KHDRBS2: variants seen among roughly 807,000 people sequenced by gnomAD.
The protein encoded by KHDRBS2 is KH domain-containing, RNA-binding, signal transduction-associated protein 2.
KHDRBS2 carries 26 observed loss-of-function variants against 44.3 expected under a neutral mutation model. That is an observed-to-expected ratio of 0.59 (90% CI 0.43 to 0.81). KHDRBS2 has a LOEUF of 0.81. Ranked by LOEUF, KHDRBS2 falls within the 40% of genes least tolerant of loss-of-function variation. KHDRBS2 has a pLI of 0.00. For synonymous variants in KHDRBS2, 194 were observed against 151.1 expected (o/e 1.28, Z -2.08); for missense variants, 476 against 433.1 (o/e 1.10, Z -0.88).
intron 6 of KHDRBS2, among the ~76,000 whole-genome samples, chr6:61,765,684 G>T (rs1212505975): frequency 1.3e-5 from 2 of 151,788 alleles, no homozygotes; most frequent in Non-Finnish European, 2.9e-5. Context: ...TTTTTTGAGG[G>T]TTTTTTTAAA....
At chr6:61,604,630 G>T in the KHDRBS2 span, among the ~76,000 whole-genome samples, 2 of 152,108 alleles carry the variant, frequency 1.3e-5, no homozygotes, top group African/African-American at 4.8e-5. Context: ...TCACTTCTCA[G>T]TGTTCCATCT....
chr6:61,599,349 T>C, the KHDRBS2 span, among the ~76,000 whole-genome samples: 1 of 152,126 alleles, frequency 6.6e-6, no homozygotes. Context: ...ATTTGTTTCA[T>C]AAATGATTCA....
chr6:61,754,132 T>C (rs1026253405), intron 6 of KHDRBS2, among the ~76,000 whole-genome samples: 2 of 152,174 alleles, frequency 1.3e-5, no homozygotes, highest in Non-Finnish European at 2.9e-5. Flanking sequence ...CCATCAAATG[T>C]GTGGTAGTTT....
chr6:62,253,424 G>T (rs1267066753), intron 1 of KHDRBS2, among the ~76,000 whole-genome samples: 2 of 151,926 alleles, frequency 1.3e-5, no homozygotes, highest in African/African-American at 4.8e-5. Flanking sequence ...TAGGGTTTTT[G>T]TATTTAGGAT....
chr6:62,194,438 T>C (rs1287414910), intron 1 of KHDRBS2, among the ~76,000 whole-genome samples: 1 of 149,924 alleles, frequency 6.7e-6, no homozygotes, highest in East Asian at 2.0e-4. Flanking sequence ...TACATGTCTG[T>C]CCTTATGTCC....
chr6:61,730,138 C>A (rs1028907678), intron 7 of KHDRBS2, among the ~76,000 whole-genome samples: 1 of 152,014 alleles, frequency 6.6e-6, no homozygotes, highest in African/African-American at 2.4e-5. Flanking sequence ...TTCAACAAAT[C>A]TTTACTGAGA....
chr6:62,198,118 G>A (rs1458804098), intron 1 of KHDRBS2, among the ~76,000 whole-genome samples: 2 of 152,078 alleles, frequency 1.3e-5, no homozygotes, highest in Admixed American at 1.3e-4. Context: ...AGCACTAAAT[G>A]CCCACAAGAG....
intron 2 of KHDRBS2, among the ~76,000 whole-genome samples, chr6:62,103,084 T>C (rs998396720): frequency 2.0e-5 from 3 of 152,022 alleles, no homozygotes; most frequent in Non-Finnish European, 2.9e-5. Context: ...TGGACAGCCA[T>C]GGGAAGGCCT....
At chr6:61,762,561 T>C (rs1244957583) in intron 6 of KHDRBS2, among the ~76,000 whole-genome samples, 1 of 152,160 alleles carries the variant, frequency 6.6e-6, no homozygotes, top group Non-Finnish European at 1.5e-5. Flanking sequence ...CTCTTGTCTA[T>C]CTGTCTTTCC....
intron 1 of KHDRBS2, among the ~76,000 whole-genome samples, chr6:62,178,750 TAATC>T (rs1325286834): frequency 6.6e-6 from 1 of 151,588 alleles, no homozygotes; most frequent in Non-Finnish European, 1.5e-5. Flanking sequence ...GATCATAACA[TAATC>T]AGTAAATATT....
intron 6 of KHDRBS2, among the ~76,000 whole-genome samples, chr6:61,870,258 C>T (rs1798464741): frequency 6.6e-6 from 1 of 152,086 alleles, no homozygotes; most frequent in Admixed American, 6.5e-5. Flanking sequence ...TTTACTCTCA[C>T]AGTGTTAACA....
intron 1 of KHDRBS2, among the ~76,000 whole-genome samples, chr6:62,269,582 C>T (rs999396839): frequency 1.3e-5 from 2 of 151,984 alleles, no homozygotes; most frequent in Non-Finnish European, 1.5e-5. Flanking sequence ...AGACTGAGAA[C>T]GTCAAATGTT....
chr6:62,014,732 T>C lies in KHDRBS2; in HGVS notation c.336+33146A>G, dbSNP rs1209375733. On this transcript the variant is annotated intron_variant, in intron 3 of 8. Coordinates refer to ENST00000281156, the MANE Select transcript of KHDRBS2 (RefSeq NM_152688.4). Reference sequence around the variant, plus strand: ...AATTTAGATTCTAGAGTTATATCTTTCCTAAATGGAACATCCTGTATCTTA... The same window carrying C: ...AATTTAGATTCTAGAGTTATATCTTCCCTAAATGGAACATCCTGTATCTTA... Among the ~76,000 whole-genome samples, 10 of 152,144 alleles carry C rather than the reference T, an allele frequency of 6.6e-5. 1 individual carries two copies. Among genetic ancestry groups the C allele is most frequent in the Admixed American group, 5.2e-4 (8 of 15,262 alleles).
intron 4 of KHDRBS2, among the ~76,000 whole-genome samples, chr6:61,973,972 C>T (rs1326789466): frequency 3.9e-5 from 6 of 152,134 alleles, no homozygotes; most frequent in Admixed American, 6.6e-5. Context: ...ATCAAATTAT[C>T]TGTGCAAAAA....
Position 61,732,959 on chromosome 6 carries a change from T to C in KHDRBS2, c.811-195A>G, listed in dbSNP as rs898360338. Among the ~76,000 whole-genome samples, 3 of 152,212 alleles carry C rather than the reference T, an allele frequency of 2.0e-5. No individual in the cohort carries two copies. The South Asian group carries it at 6.2e-4, about 32-fold the overall frequency. ...ATTTCATGGATCAGGTATCAATGTT[T>C]ATTAAACTCAGCATATCATTGAAGC... On this transcript the variant is annotated intron_variant, in intron 6 of 8. Transcript: ENST00000281156.
At chr6:61,869,443 GACTT>G (rs750931006) in intron 6 of KHDRBS2, among the ~76,000 whole-genome samples, 3 of 152,124 alleles carry the variant, frequency 2.0e-5, no homozygotes, top group Non-Finnish European at 2.9e-5. Context: ...AAAACTGAGA[GACTT>G]ACTATTAACA....
intron 3 of KHDRBS2, among the ~76,000 whole-genome samples, chr6:62,047,133 C>T (rs139007854): frequency 6.2e-4 from 94 of 151,982 alleles, no homozygotes; most frequent in African/African-American, 2.2e-3. Flanking sequence ...TACCAAGTCA[C>T]AAAAGTGTGG....
chr6:61,832,114 G>A (rs928576319), intron 6 of KHDRBS2, among the ~76,000 whole-genome samples: 1 of 152,030 alleles, frequency 6.6e-6, no homozygotes, highest in Non-Finnish European at 1.5e-5. Context: ...CACATCTGTG[G>A]TCCCAGCGAC....
chr6:62,051,048 G>A (rs1163245489), intron 2 of KHDRBS2, among the ~76,000 whole-genome samples: 1 of 152,026 alleles, frequency 6.6e-6, no homozygotes, highest in Non-Finnish European at 1.5e-5. Flanking sequence ...CAAAATTCTA[G>A]CAGCAAAAAT....
Sources: gnomAD v4.1 joint callset for allele counts (sites outside exome capture counted in the v4.1 genomes callset) on GRCh38, gnomAD v4.1.1 for gene constraint, MANE v1.5 for transcripts, NCBI Gene and HGNC (gene_info 2026-07-23, HGNC 2026-07-21) for gene names.